Variants in MLLT1 observed in about 807,000 individuals in gnomAD.
The protein encoded by MLLT1 is MLLT1 super elongation complex subunit, also known as protein ENL.
In MLLT1, 11 loss-of-function variants were observed where a neutral mutation model predicts 55.1. That is an observed-to-expected ratio of 0.20 (90% CI 0.13 to 0.33). The LOEUF (loss-of-function observed/expected upper bound fraction) is 0.33. MLLT1 is among the 10% of genes least tolerant of loss of function. The pLI is 1.00. For missense variants in MLLT1, 536 were observed against 760.6 expected, an observed-to-expected ratio of 0.70 and a Z score of 3.47; for synonymous variants, 323 against 320.1, an observed-to-expected ratio of 1.01 and a Z score of -0.10.
intron 3 of MLLT1, among the ~76,000 whole-genome samples, chr19:6,261,443 T>A (rs1490057160): frequency 6.6e-6 from 1 of 151,978 alleles, no homozygotes; most frequent in Non-Finnish European, 1.5e-5. Flanking sequence ...GGGGACTCAG[T>A]AACCAAGCGG....
chr19:6,224,115 A>G (rs2090931676), intron 5 of MLLT1, among the ~76,000 whole-genome samples: 2 of 152,218 alleles, frequency 1.3e-5, no homozygotes, highest in Admixed American at 6.5e-5. Context: ...GACTCCTCCC[A>G]GCAAAAAACC....
chr19:6,215,415 T>C (rs1452862844), intron 8 of MLLT1, among the ~76,000 whole-genome samples: 3 of 152,114 alleles, frequency 2.0e-5, no homozygotes, highest in African/African-American at 7.2e-5. Flanking sequence ...GCCCTCCTCG[T>C]GTCTAGAGTC....
At chr19:6,213,850 C>T (rs568031697) in intron 9 of MLLT1, 53 bp from the exon 10 acceptor site, 54 of 1,595,844 alleles carry the variant, frequency 3.4e-5, no homozygotes, top group Non-Finnish European at 4.1e-5. Flanking sequence ...TCCCCAGCCC[C>T]GAAGGCCCCA....
intron 3 of MLLT1, among the ~76,000 whole-genome samples, chr19:6,233,279 G>T (rs531315578): frequency 6.6e-6 from 1 of 152,334 alleles, no homozygotes; most frequent in East Asian, 1.9e-4. Context: ...TCCTGCGGCC[G>T]CCCAGGAGTC....
intron 5 of MLLT1, among the ~76,000 whole-genome samples, chr19:6,223,845 C>G (rs2090928676): frequency 6.6e-6 from 1 of 152,188 alleles, no homozygotes; most frequent in Admixed American, 6.5e-5. Flanking sequence ...CTGTTAGCCA[C>G]CAGGGGCTCC....
chr19:6,246,384 G>T (rs1336675871), intron 3 of MLLT1, among the ~76,000 whole-genome samples: 1 of 152,194 alleles, frequency 6.6e-6, no homozygotes, highest in Non-Finnish European at 1.5e-5. Flanking sequence ...AAACAACACA[G>T]ACGTCCTTCA....
intron 3 of MLLT1, among the ~76,000 whole-genome samples, chr19:6,260,793 C>CTATG (rs777879655): frequency 2.0e-4 from 30 of 152,228 alleles, no homozygotes; most frequent in Non-Finnish European, 2.8e-4. Flanking sequence ...ATACAGTGAG[C>CTATG]TATGATTGCA....
Position 6,270,860 on chromosome 19 carries a change from G to A in MLLT1, c.13-101C>T. ...ACTTTCGATAAAGACCCCCAGCAGTGCAATACGCTCTCAACCCAGTGAGCA... is the reference window on the plus strand; with the variant it reads ...ACTTTCGATAAAGACCCCCAGCAGTACAATACGCTCTCAACCCAGTGAGCA... On this transcript the variant is annotated intron_variant, in intron 1 of 11. Coordinates refer to ENST00000252674, the MANE Select transcript of MLLT1 (RefSeq NM_005934.4). This position sits in a 1 kb window ranked among gnomAD's most constrained non-coding sequence, Gnocchi z 7.1. The A allele has an allele frequency of 1.8e-6, 2 of 1,134,290 alleles. No homozygotes were observed. Among genetic ancestry groups the A allele is most frequent in the Non-Finnish European group, 2.5e-6 (2 of 810,482 alleles). The allele number at this position is 1,134,290 out of a possible 1,614,324, so 70.3% of individuals were successfully genotyped here. A position where few individuals can be genotyped will look rare whatever the true frequency, so the allele number is the denominator to read the frequency against.
intron 3 of MLLT1, among the ~76,000 whole-genome samples, chr19:6,242,546 C>T (rs1555707070): frequency 1.3e-5 from 2 of 152,168 alleles, no homozygotes; most frequent in Non-Finnish European, 2.9e-5. Context: ...CCAAAATAAA[C>T]TTCTTTTTCA....
rs1465274499 is a variant in MLLT1, at chr19:6,226,268, C to T, written c.546+709G>A. 3.3e-5 allele frequency among the ~76,000 whole-genome samples: 5 copies of T among 152,328 alleles called. No individual in the cohort carries two copies. Among genetic ancestry groups the T allele is most frequent in the East Asian group, 1.9e-4 (1 of 5,184 alleles). On this transcript the variant is annotated intron_variant, in intron 5 of 11. Transcript: ENST00000252674. The surrounding 1 kb of genome is among the most constrained non-coding windows in gnomAD (Gnocchi z 6.3). ...GCCCGTGCCGCTCAGCCTCCAGGAA[C>T]GGCTGTGCTGAGTGGGCAGCTACAG...
In MLLT1 at chr19:6,230,755, C is replaced by A. The variant is rs539600544; in HGVS notation, c.277-42G>T. The A allele has an allele frequency of 6.2e-7, 1 of 1,609,884 alleles. No homozygotes were observed. Among genetic ancestry groups the A allele is most frequent in the Admixed American group, 1.7e-5 (1 of 59,908 alleles). On this transcript the variant is annotated intron_variant, in intron 3 of 11. Coordinates refer to ENST00000252674, the MANE Select transcript of MLLT1 (RefSeq NM_005934.4). The surrounding 1 kb of genome is among the most constrained non-coding windows in gnomAD (Gnocchi z 9.0). ...AAGAAAGTCTGCATCAGAGGGTGGC[C>A]GTGGTGCAGGGACACAGCTCCCCAT...
Position 6,222,016 on chromosome 19 carries a change from C to A in MLLT1, c.1110+105G>T. The A allele has an allele frequency of 2.1e-6, 2 of 951,640 alleles. No homozygotes were observed. The highest frequency in any genetic ancestry group is 2.9e-6 in the Non-Finnish European group (2 of 698,788). The allele number at this position is 951,640 out of a possible 1,614,324, so 58.9% of individuals were successfully genotyped here. A position where few individuals can be genotyped will look rare whatever the true frequency, so the allele number is the denominator to read the frequency against. On this transcript the variant is annotated intron_variant, in intron 6 of 11. Coordinates refer to ENST00000252674, the MANE Select transcript of MLLT1 (RefSeq NM_005934.4). The surrounding 1 kb of genome is among the most constrained non-coding windows in gnomAD (Gnocchi z 4.1). ...CCAGTGGGAGGAGCAGCTGGTGAGA[C>A]CTGAGGTCCTGGCTCAGATCCCACC...
At chr19:6,218,272 TG>T (rs1215061264) in intron 6 of MLLT1, among the ~76,000 whole-genome samples, 1 of 152,210 alleles carries the variant, frequency 6.6e-6, no homozygotes, top group African/African-American at 2.4e-5. Flanking sequence ...CGTGGATGTC[TG>T]GGTTTCCGGT....
At chr19:6,246,508 G>A (rs764784707) in intron 3 of MLLT1, among the ~76,000 whole-genome samples, 3 of 152,278 alleles carry the variant, frequency 2.0e-5, no homozygotes, top group East Asian at 3.9e-4. Flanking sequence ...ATCTAAGTGC[G>A]CTTTGCTAAG....
At chr19:6,252,054 C>G (rs1394751807) in intron 3 of MLLT1, among the ~76,000 whole-genome samples, 1 of 152,098 alleles carries the variant, frequency 6.6e-6, no homozygotes, top group Non-Finnish European at 1.5e-5. Context: ...TAAGTCGGGC[C>G]GAGGAGGGAA....
At chr19:6,253,912 G>A (rs1479523447) in intron 3 of MLLT1, among the ~76,000 whole-genome samples, 3 of 152,202 alleles carry the variant, frequency 2.0e-5, no homozygotes, top group African/African-American at 7.2e-5. Flanking sequence ...AGAGATGGTG[G>A]TGATAGAAGC....
At chr19:6,233,821 T>C (rs1305879022) in intron 3 of MLLT1, among the ~76,000 whole-genome samples, 1 of 152,132 alleles carries the variant, frequency 6.6e-6, no homozygotes, top group Admixed American at 6.5e-5. Context: ...AGTCCACACT[T>C]CCCCTACGCA....
chr19:6,222,911 G>A lies in MLLT1; in HGVS notation c.547-227C>T, dbSNP rs961133720. ...TGTCAGCTGGTCCCCGGCAGCTGCA[G>A]GCTAAGATTCCCCTCAGAATTGAAC... On this transcript the variant is annotated intron_variant, in intron 5 of 11. Transcript: ENST00000252674. The surrounding 1 kb of genome is among the most constrained non-coding windows in gnomAD (Gnocchi z 4.1). Among the ~76,000 whole-genome samples, 1 of 152,196 alleles carries A rather than the reference G, an allele frequency of 6.6e-6. No homozygotes were observed. The highest frequency in any genetic ancestry group is 1.5e-5 in the Non-Finnish European group (1 of 68,028).
intron 3 of MLLT1, among the ~76,000 whole-genome samples, chr19:6,246,989 G>A (rs973265490): frequency 3.3e-5 from 5 of 152,134 alleles, no homozygotes; most frequent in Non-Finnish European, 7.4e-5. Flanking sequence ...ACTACTTTCC[G>A]GGTATCCTGG....
Sources: allele counts gnomAD v4.1 joint callset (sites outside exome capture counted in the v4.1 genomes callset), GRCh38; gene constraint gnomAD v4.1.1; non-coding constraint Gnocchi (gnomAD v3.1); transcripts MANE v1.5; gene names NCBI Gene and HGNC (gene_info 2026-07-23, HGNC 2026-07-21).